HS3ST2: variants seen among roughly 807,000 people sequenced by gnomAD.
HS3ST2 encodes the protein heparan sulfate-glucosamine 3-sulfotransferase 2, also known as heparan sulfate glucosamine 3-O-sulfotransferase 2.
HS3ST2 carries 17 observed loss-of-function variants against 26.3 expected under a neutral mutation model. That is an observed-to-expected ratio of 0.65 (90% CI 0.44 to 0.97). HS3ST2 has a LOEUF of 0.97. Among genes scored for constraint, HS3ST2 ranks in the 50% least tolerant of loss-of-function variants. The probability of loss-of-function intolerance (pLI) is 0.00; values close to 1 mark genes in which losing one functional copy is unlikely to be tolerated. For synonymous variants in HS3ST2, 237 were observed against 219.2 expected, an observed-to-expected ratio of 1.08 and a Z score of -0.72; for missense variants, 402 against 501.2, an observed-to-expected ratio of 0.80 and a Z score of 1.89.
chr16:22,908,643 ACTT>A (rs1403430319), intron 1 of HS3ST2, among the ~76,000 whole-genome samples: 1 of 152,120 alleles, frequency 6.6e-6, no homozygotes, highest in Non-Finnish European at 1.5e-5. Context: ...GCTCAGTTCC[ACTT>A]CTTATAAAGA....
chr16:22,833,909 C>T (rs1463779974), intron 1 of HS3ST2, among the ~76,000 whole-genome samples: 1 of 151,382 alleles, frequency 6.6e-6, no homozygotes, highest in African/African-American at 2.4e-5. Context: ...GGGAAGTTCT[C>T]AAGATATATT....
chr16:22,883,060 A>C (rs1338664709), intron 1 of HS3ST2, among the ~76,000 whole-genome samples: 1 of 152,018 alleles, frequency 6.6e-6, no homozygotes, highest in Non-Finnish European at 1.5e-5. Context: ...TTCCCAGACC[A>C]TAGCAACATT....
intron 1 of HS3ST2, among the ~76,000 whole-genome samples, chr16:22,859,030 G>A (rs1187368373): frequency 6.6e-6 from 1 of 152,116 alleles, no homozygotes. Flanking sequence ...GATGGGCGTG[G>A]TGGTGTATGC....
chr16:22,882,840 G>C (rs528727772), intron 1 of HS3ST2, among the ~76,000 whole-genome samples: 91 of 152,128 alleles, frequency 6.0e-4, no homozygotes, highest in African/African-American at 2.1e-3. Context: ...AGACCATCCT[G>C]GCCAACATGT....
intron 1 of HS3ST2, among the ~76,000 whole-genome samples, chr16:22,907,859 C>T (rs531866761): frequency 8.0e-4 from 122 of 152,102 alleles, no homozygotes; most frequent in Non-Finnish European, 1.4e-3. Flanking sequence ...GAAGTGGGCC[C>T]GGCTGCAGTG....
chr16:22,915,026 C>T lies in HS3ST2; in HGVS notation c.568C>T (p.Arg190Cys). ...CTTTGTCACTCAAGAGGCTCCTCGACGCATCTTCAACATGTCCCGAGACAC... is the reference window on the plus strand; with the variant it reads ...CTTTGTCACTCAAGAGGCTCCTCGATGCATCTTCAACATGTCCCGAGACAC... ...SYFVTQEAPR[R>C]IFNMSRDTKL... Residue 190 changes from arginine to cysteine, a missense_variant, in exon 2 of 2, where the codon CGC becomes TGC. Coordinates refer to ENST00000261374, the MANE Select transcript of HS3ST2 (RefSeq NM_006043.2). The T allele has an allele frequency of 1.9e-6, 3 of 1,614,090 alleles. No individual in the cohort carries two copies. The highest frequency in any genetic ancestry group is 2.5e-6 in the Non-Finnish European group (3 of 1,180,024).
At position 22,848,858 on chromosome 16, in the gene HS3ST2, G is replaced by A. The variant is rs149711669; in HGVS notation, c.485+33763G>A. On this transcript the variant is annotated intron_variant, in intron 1 of 1. Transcript: ENST00000261374. ...CCCTGACACCGTACCATGCATGGTG[G>A]TGATTTTCTGAGGCCCTTAGATTGT... 6.6e-3 allele frequency among the ~76,000 whole-genome samples: 1,012 copies of A among 152,280 alleles called. 10 individuals carry two copies. The highest frequency in any genetic ancestry group is 0.011 in the Non-Finnish European group (741 of 68,012).
Position 22,883,998 on chromosome 16 carries a change from G to T in HS3ST2, c.486-30946G>T, listed in dbSNP as rs867639807. Among the ~76,000 whole-genome samples, 3 of 152,160 alleles carry T rather than the reference G, an allele frequency of 2.0e-5. No individual in the cohort carries two copies. In the South Asian group the frequency reaches 6.2e-4, roughly 32 times the overall value. ...CCACCTCTAGAAATCAAAACAACTCGGTCCTGCCCCACTGAGGATAAAGGC... is the reference window on the plus strand; with the variant it reads ...CCACCTCTAGAAATCAAAACAACTCTGTCCTGCCCCACTGAGGATAAAGGC... On this transcript the variant is annotated intron_variant, in intron 1 of 1. Transcript: ENST00000261374.
chr16:22,837,773 T>C (rs1457164559), intron 1 of HS3ST2, among the ~76,000 whole-genome samples: 1 of 151,936 alleles, frequency 6.6e-6, no homozygotes, highest in African/African-American at 2.4e-5. Flanking sequence ...CAATTATAAC[T>C]ATACTATAAT....
chr16:22,880,944 G>A (rs947779355), intron 1 of HS3ST2, among the ~76,000 whole-genome samples: 10 of 152,338 alleles, frequency 6.6e-5, no homozygotes, highest in Middle Eastern at 3.4e-3. Context: ...GAGAGCCCCA[G>A]GAACGCTGTT....
At chr16:22,835,689 T>A (rs1901244746) in intron 1 of HS3ST2, among the ~76,000 whole-genome samples, 2 of 152,118 alleles carry the variant, frequency 1.3e-5, no homozygotes, top group South Asian at 4.1e-4. Flanking sequence ...AAAAAAAGGA[T>A]AGCCTTGGGA....
intron 1 of HS3ST2, among the ~76,000 whole-genome samples, chr16:22,875,184 G>C (rs1221742762): frequency 6.6e-6 from 1 of 151,860 alleles, no homozygotes; most frequent in Non-Finnish European, 1.5e-5. Context: ...ATTAAAAATA[G>C]AAAAATGGTT....
chr16:22,886,861 A>G (rs1184900849), intron 1 of HS3ST2, among the ~76,000 whole-genome samples: 1 of 151,946 alleles, frequency 6.6e-6, no homozygotes, highest in Admixed American at 6.6e-5. Context: ...CCTGGGCTCA[A>G]ACGGTCCTCC....
intron 1 of HS3ST2, among the ~76,000 whole-genome samples, chr16:22,888,320 C>T (rs1183059954): frequency 6.6e-6 from 1 of 151,666 alleles, no homozygotes; most frequent in African/African-American, 2.4e-5. Flanking sequence ...TTTACTAAGG[C>T]TGTGTAATCT....
intron 1 of HS3ST2, 79 bp downstream of exon 1, chr16:22,815,174 C>G (rs2141171246): frequency 6.4e-7 from 1 of 1,556,476 alleles, no homozygotes; most frequent in East Asian, 2.3e-5. Context: ...CTTGTGTTTT[C>G]TCTTTCTTTT....
In HS3ST2 at chr16:22,814,569, C is replaced by CCCCCTCGGAAACCATGA. The variant is rs1900823572; in HGVS notation, c.-37_-21dup. 1 of 1,473,116 alleles carries CCCCCTCGGAAACCATGA rather than the reference C, an allele frequency of 6.8e-7. No homozygotes were observed. The highest frequency in any genetic ancestry group is 2.6e-5 in the East Asian group (1 of 37,968). The allele number at this position is 1,473,116 out of a possible 1,614,324, so 91.3% of individuals were successfully genotyped here. ...GGCCACAGCAGCTCAGCCGCCGGTGCCCCCTCGGAAACCATGACCCCCGGC... is the reference window on the plus strand; with the variant it reads ...GGCCACAGCAGCTCAGCCGCCGGTGCCCCCTCGGAAACCATGACCCCTCGGAAACCATGACCCCCGGC... On this transcript the variant is annotated 5_prime_UTR_variant, in exon 1 of 2. In the 5' UTR this introduces an upstream ATG that the reference lacks. Coordinates refer to ENST00000261374, the MANE Select transcript of HS3ST2 (RefSeq NM_006043.2).
In HS3ST2 at chr16:22,827,643, T is replaced by G. The variant is rs368110605; in HGVS notation, c.485+12548T>G. On this transcript the variant is annotated intron_variant, in intron 1 of 1. Coordinates refer to ENST00000261374, the MANE Select transcript of HS3ST2 (RefSeq NM_006043.2). ...ATGATGATGGTAGCAGTGTTGCTGC[T>G]GAGGTTGATGATGGTAGCAGTGTTG... is the stretch of plus-strand genomic sequence containing the variant. Among the ~76,000 whole-genome samples the G allele has an allele frequency of 3.3e-5, 5 of 151,830 alleles. No individual in the cohort carries two copies. The South Asian group carries it at 1.0e-3, about 32-fold the overall frequency.
chr16:22,908,739 A>C (rs1299429555), intron 1 of HS3ST2, among the ~76,000 whole-genome samples: 48 of 152,228 alleles, frequency 3.2e-4, no homozygotes, highest in Non-Finnish European at 1.0e-4. Context: ...AGATGAATCC[A>C]TTCATGAAGG....
chr16:22,883,872 A>C (rs2141197974), intron 1 of HS3ST2, among the ~76,000 whole-genome samples: 1 of 152,316 alleles, frequency 6.6e-6, no homozygotes, highest in South Asian at 2.1e-4. Context: ...TGCCTGAAGG[A>C]AAAGTTGGGG....
Sources: gnomAD v4.1 joint callset for allele counts (sites outside exome capture counted in the v4.1 genomes callset) on GRCh38, gnomAD v4.1.1 for gene constraint, MANE v1.5 for transcripts, NCBI Gene and HGNC (gene_info 2026-07-23, HGNC 2026-07-21) for gene names.